The following CADPS variants were observed in gnomAD, a reference collection of about 807,000 sequenced individuals.
CADPS encodes calcium-dependent secretion activator 1.
Under a neutral mutation model 167.3 loss-of-function variants are expected in CADPS, and 57 were observed. The ratio of observed to expected loss-of-function variants is 0.34; its 90% CI spans 0.28 to 0.42. The LOEUF (loss-of-function observed/expected upper bound fraction) is 0.42, where lower values mean the gene tolerates loss of function less well. Among genes scored for constraint, CADPS ranks in the 20% least tolerant of loss-of-function variants. The pLI, the probability that CADPS is intolerant of heterozygous loss-of-function variation, is 1.00. For missense variants in CADPS, 1,414 were observed against 1,738.1 expected, an observed-to-expected ratio of 0.81 and a Z score of 3.32; for synonymous variants, 676 against 635.3, an observed-to-expected ratio of 1.06 and a Z score of -0.96.
chr3:62,574,431 G>A (rs2081901738), intron 8 of CADPS, among the ~76,000 whole-genome samples: 1 of 152,148 alleles, frequency 6.6e-6, no homozygotes, highest in Non-Finnish European at 1.5e-5. Flanking sequence ...AGGGGCTCAG[G>A]CAAGAGAGGT....
At chr3:62,494,413 C>T (rs1013262370) in intron 18 of CADPS, among the ~76,000 whole-genome samples, 1 of 152,176 alleles carries the variant, frequency 6.6e-6, no homozygotes, top group Non-Finnish European at 1.5e-5. Context: ...TCTCATCAAT[C>T]CTGATTCCAG....
chr3:62,545,591 C>A (rs1483921325), intron 11 of CADPS, among the ~76,000 whole-genome samples: 2 of 152,146 alleles, frequency 1.3e-5, no homozygotes, highest in Non-Finnish European at 2.9e-5. Flanking sequence ...TAGAGTCACA[C>A]ACAAACTAAT....
At chr3:62,593,493 C>A (rs1025405807) in intron 6 of CADPS, among the ~76,000 whole-genome samples, 2 of 152,166 alleles carry the variant, frequency 1.3e-5, no homozygotes, top group East Asian at 3.9e-4. Flanking sequence ...TCATCTCTAT[C>A]CATTCTGTGC....
chr3:62,469,784 A>G, intron 24 of CADPS: 1 of 154,800 alleles, frequency 6.5e-6, no homozygotes, highest in Non-Finnish European at 1.4e-5. Context: ...CTGGGATTAC[A>G]GGTGTGAGCC....
chr3:62,842,367 G>A (rs2076765131), intron 1 of CADPS, among the ~76,000 whole-genome samples: 2 of 152,150 alleles, frequency 1.3e-5, no homozygotes, highest in Admixed American at 6.5e-5. Flanking sequence ...TGGAATTCAG[G>A]TTGTCAAGTT....
rs553365338 is a variant in CADPS at position 62,421,905 on chromosome 3, C to T, written c.3777+16199G>A. Among the ~76,000 whole-genome samples the T allele has an allele frequency of 6.6e-6, 1 of 152,296 alleles. No homozygotes were observed. Among genetic ancestry groups the T allele is most frequent in the South Asian group, 2.1e-4 (1 of 4,824 alleles). On this transcript the variant is annotated intron_variant, in intron 28 of 29. Coordinates refer to ENST00000383710, the MANE Select transcript of CADPS (RefSeq NM_003716.4). This position sits in a 1 kb window ranked among gnomAD's most constrained non-coding sequence, Gnocchi z 4.7. Reference sequence around the variant, plus strand: ...GAAAATAGTATTACGCCACGAATGTCTTGGATTAATTTTATTCTTTTTTCC... The same window carrying T: ...GAAAATAGTATTACGCCACGAATGTTTTGGATTAATTTTATTCTTTTTTCC...
chr3:62,457,698 A>G (rs1210606654), intron 26 of CADPS, among the ~76,000 whole-genome samples: 1 of 152,238 alleles, frequency 6.6e-6, no homozygotes, highest in Non-Finnish European at 1.5e-5. Flanking sequence ...ATGTCCATCA[A>G]TGATAGAGTG....
At position 62,465,494 on chromosome 3, in the gene CADPS, A is replaced by G; in HGVS notation, c.3553-44T>C. On this transcript the variant is annotated intron_variant, in intron 25 of 29. Transcript: ENST00000383710. This position sits in a 1 kb window ranked among gnomAD's most constrained non-coding sequence, Gnocchi z 4.1. ...AGAAAAAAATGTTATTTCAAACTAT[A>G]ATTGTTCACCATAAAGCACATCATT... 4 of 1,373,026 alleles carry G rather than the reference A, an allele frequency of 2.9e-6. 1 individual carries two copies. Among genetic ancestry groups the G allele is most frequent in the Non-Finnish European group, 4.1e-6 (4 of 971,300 alleles). The allele number at this position is 1,373,026 out of a possible 1,614,324, so 85.1% of individuals were successfully genotyped here.
At chr3:62,777,232 C>T (rs1258154086) in intron 1 of CADPS, among the ~76,000 whole-genome samples, 1 of 152,052 alleles carries the variant, frequency 6.6e-6, no homozygotes, top group Non-Finnish European at 1.5e-5. Context: ...TATCTGAATG[C>T]AGTCTATGTA....
intron 1 of CADPS, among the ~76,000 whole-genome samples, chr3:62,775,603 GCTCC>G (rs2090081932): frequency 6.6e-6 from 1 of 152,056 alleles, no homozygotes; most frequent in Non-Finnish European, 1.5e-5. Flanking sequence ...GAAGTAACAG[GCTCC>G]CTCCATTTAC....
chr3:62,688,169 A>T (rs1227840947), intron 3 of CADPS, among the ~76,000 whole-genome samples: 1 of 151,996 alleles, frequency 6.6e-6, no homozygotes, highest in East Asian at 1.9e-4. Context: ...GGCCTGTCCT[A>T]TTCATTGTAG....
intron 28 of CADPS, among the ~76,000 whole-genome samples, chr3:62,424,471 C>T (rs1029454282): frequency 6.6e-6 from 1 of 152,162 alleles, no homozygotes; most frequent in African/African-American, 2.4e-5. Context: ...GCATGAGCCA[C>T]CGCGCCTGGC....
intron 2 of CADPS, among the ~76,000 whole-genome samples, chr3:62,755,636 T>A (rs1343906846): frequency 6.6e-6 from 1 of 152,184 alleles, no homozygotes; most frequent in East Asian, 1.9e-4. Context: ...CGGTTTATTG[T>A]TGACTTTAAT....
At chr3:62,842,645 A>G (rs2076805788) in intron 1 of CADPS, among the ~76,000 whole-genome samples, 2 of 152,170 alleles carry the variant, frequency 1.3e-5, no homozygotes, top group Admixed American at 6.5e-5. Context: ...TAAAAATTCC[A>G]TGAAGGCAGA....
At chr3:62,850,940 T>C (rs1415082153) in intron 1 of CADPS, among the ~76,000 whole-genome samples, 2 of 151,414 alleles carry the variant, frequency 1.3e-5, no homozygotes, top group African/African-American at 4.9e-5. Flanking sequence ...AGGACTTGCT[T>C]TATGAATCTG....
At chr3:62,570,828 A>T (rs755144087) in intron 9 of CADPS, 44 bp downstream of exon 9, 12 of 1,289,552 alleles carry the variant, frequency 9.3e-6, no homozygotes, top group Non-Finnish European at 1.4e-5. Context: ...CATTCTAGCA[A>T]ATCTTTAATA....
At chr3:62,569,078 T>A (rs1430289793) in intron 9 of CADPS, among the ~76,000 whole-genome samples, 1 of 152,208 alleles carries the variant, frequency 6.6e-6, no homozygotes, top group Admixed American at 6.5e-5. Context: ...ATAGCCTCAA[T>A]TGCTTAGCCA....
intron 9 of CADPS, among the ~76,000 whole-genome samples, chr3:62,564,689 T>A (rs1256015065): frequency 6.6e-6 from 1 of 151,426 alleles, no homozygotes; most frequent in Non-Finnish European, 1.5e-5. Context: ...TCACTGCAAC[T>A]TCCGCCTCCT....
At chr3:62,603,621 A>G (rs2060278233) in intron 6 of CADPS, among the ~76,000 whole-genome samples, 1 of 152,172 alleles carries the variant, frequency 6.6e-6, no homozygotes, top group Non-Finnish European at 1.5e-5. Context: ...TTTCTGTCCT[A>G]AAACCAAGAG....
Sources: gnomAD v4.1 joint callset for allele counts (sites outside exome capture counted in the v4.1 genomes callset) on GRCh38, gnomAD v4.1.1 for gene constraint, Gnocchi (gnomAD v3.1) non-coding constraint, MANE v1.5 for transcripts, NCBI Gene and HGNC (gene_info 2026-07-23, HGNC 2026-07-21) for gene names.